Variants in KCNH7 observed in about 807,000 individuals in gnomAD.
KCNH7 encodes the protein potassium voltage-gated channel subfamily H member 7, also known as voltage-gated inwardly rectifying potassium channel KCNH7.
In KCNH7, 49 loss-of-function variants were observed where a neutral mutation model predicts 120.8. The observed-to-expected ratio is 0.41, with a 90% CI of 0.32 to 0.51. The LOEUF is 0.51. KCNH7 is among the 20% of genes least tolerant of loss of function. The probability of loss-of-function intolerance (pLI) is 0.38; values close to 1 mark genes in which losing one functional copy is unlikely to be tolerated. For missense variants in KCNH7, 1,097 were observed against 1,446.6 expected, an observed-to-expected ratio of 0.76 and a Z score of 3.92; for synonymous variants, 547 against 516.1, an observed-to-expected ratio of 1.06 and a Z score of -0.81.
At chr2:162,445,737 T>G (rs960574896) in intron 7 of KCNH7, among the ~76,000 whole-genome samples, 1 of 152,178 alleles carries the variant, frequency 6.6e-6, no homozygotes, top group Non-Finnish European at 1.5e-5. Flanking sequence ...GTAGAGATTT[T>G]AAATCCTGGG....
chr2:162,414,281 A>G lies in KCNH7; in HGVS notation c.2154+9055T>C, dbSNP rs186925906. On this transcript the variant is annotated intron_variant, in intron 9 of 15. Transcript: ENST00000332142. Reference sequence around the variant, plus strand: ...TATCTGAGAATCTACCCATAAATATAAAAGTATAAGTAAGGGAAAATATGT... The same window carrying G: ...TATCTGAGAATCTACCCATAAATATGAAAGTATAAGTAAGGGAAAATATGT... Among the ~76,000 whole-genome samples, 389 of 152,138 alleles carry G rather than the reference A, an allele frequency of 2.6e-3. 2 individuals are homozygous for G. Among genetic ancestry groups the G allele is most frequent in the African/African-American group, 8.6e-3 (356 of 41,548 alleles).
chr2:162,816,428 T>C (rs1373604237), intron 2 of KCNH7, among the ~76,000 whole-genome samples: 2 of 152,056 alleles, frequency 1.3e-5, no homozygotes, highest in Non-Finnish European at 2.9e-5. Context: ...TTTCCCATAA[T>C]AGAAAGTGGA....
chr2:162,379,532 G>T (rs1242965556), intron 14 of KCNH7, among the ~76,000 whole-genome samples: 5 of 152,164 alleles, frequency 3.3e-5, no homozygotes, highest in Non-Finnish European at 7.3e-5. Flanking sequence ...ATTAAAAGAG[G>T]AAGGGTGTCA....
intron 2 of KCNH7, among the ~76,000 whole-genome samples, chr2:162,799,947 CAT>C (rs1684282349): frequency 1.3e-5 from 1 of 78,578 alleles, no homozygotes; most frequent in Admixed American, 1.4e-4. Context: ...GTTTTACACA[CAT>C]ACACACACAC....
At chr2:162,568,766 T>A (rs1452171144) in intron 2 of KCNH7, among the ~76,000 whole-genome samples, 1 of 151,996 alleles carries the variant, frequency 6.6e-6, no homozygotes, top group Non-Finnish European at 1.5e-5. Flanking sequence ...TGCAAACTTT[T>A]TAAGCTTTAT....
chr2:162,581,119 C>CACGCA (rs1462133389), intron 2 of KCNH7, among the ~76,000 whole-genome samples: 3 of 152,006 alleles, frequency 2.0e-5, no homozygotes, highest in African/African-American at 7.2e-5. Context: ...TGGCAGGCTT[C>CACGCA]ACGCAACTGA....
chr2:162,490,120 A>C (rs1241186990), intron 6 of KCNH7, among the ~76,000 whole-genome samples: 1 of 152,242 alleles, frequency 6.6e-6, no homozygotes, highest in Admixed American at 6.5e-5. Flanking sequence ...GGGTCCCTGG[A>C]GAACCACCAA....
At chr2:162,653,157 G>A (rs766820064) in intron 2 of KCNH7, among the ~76,000 whole-genome samples, 1 of 152,144 alleles carries the variant, frequency 6.6e-6, no homozygotes, top group Non-Finnish European at 1.5e-5. Flanking sequence ...TATTCCTGTT[G>A]TTTATTGTGT....
At chr2:162,626,151 G>C (rs185095331) in intron 2 of KCNH7, among the ~76,000 whole-genome samples, 60 of 152,184 alleles carry the variant, frequency 3.9e-4, no homozygotes, top group Non-Finnish European at 6.6e-4. Context: ...ATGGTATGCA[G>C]TTTCAGTTGC....
intron 2 of KCNH7, among the ~76,000 whole-genome samples, chr2:162,759,251 T>C (rs754381964): frequency 6.6e-6 from 1 of 152,042 alleles, no homozygotes; most frequent in Non-Finnish European, 1.5e-5. Flanking sequence ...GAGGAGTAAA[T>C]TGGATTGTCC....
chr2:162,429,381 G>GTTTTTTTTTTTTTTTTTTTTTTTTTTT (rs1158431426), intron 8 of KCNH7, among the ~76,000 whole-genome samples: 2 of 43,426 alleles, frequency 4.6e-5, no homozygotes, highest in South Asian at 7.7e-4. Context: ...TGAGGAAAAA[G>GTTTTTTTTTTTTTTTTTTTTTTTTTTT]TCTTTTTTTT....
intron 2 of KCNH7, among the ~76,000 whole-genome samples, chr2:162,684,777 G>C (rs895596670): frequency 1.3e-5 from 2 of 152,114 alleles, no homozygotes; most frequent in African/African-American, 4.8e-5. Flanking sequence ...AACCATTGTG[G>C]AAGACAGTGG....
intron 2 of KCNH7, among the ~76,000 whole-genome samples, chr2:162,753,010 AAAGAAAAGAAAAG>A (rs1249067467): frequency 6.7e-5 from 10 of 149,024 alleles, no homozygotes; most frequent in Middle Eastern, 3.5e-3. Flanking sequence ...AAAGAAAAGA[AAAGAAAAGAAAAG>A]AAAAGAAACC....
At chr2:162,492,617 G>C (rs976225785) in intron 6 of KCNH7, among the ~76,000 whole-genome samples, 1 of 152,024 alleles carries the variant, frequency 6.6e-6, no homozygotes, top group Admixed American at 6.6e-5. Context: ...TTCCACCTCT[G>C]AAAATACATT....
At chr2:162,754,103 A>G (rs779514690) in intron 2 of KCNH7, among the ~76,000 whole-genome samples, 4 of 152,170 alleles carry the variant, frequency 2.6e-5, no homozygotes, top group Admixed American at 6.5e-5. Context: ...CTTCCACTAT[A>G]ATATCCTTAG....
chr2:162,694,809 T>A (rs1686232933), intron 2 of KCNH7, among the ~76,000 whole-genome samples: 1 of 151,886 alleles, frequency 6.6e-6, no homozygotes, highest in African/African-American at 2.4e-5. Context: ...AGTGGCGTGA[T>A]CTCGGGTCAC....
chr2:162,404,929 C>T (rs978168691), intron 9 of KCNH7, among the ~76,000 whole-genome samples: 3 of 151,920 alleles, frequency 2.0e-5, no homozygotes, highest in African/African-American at 4.8e-5. Context: ...ACAGGGATAA[C>T]CTGAATTTCC....
chr2:162,549,840 CTG>C lies in KCNH7; in HGVS notation c.308-12762_308-12761del, dbSNP rs879382814. The stretch of plus-strand genomic sequence containing the variant: ...GCATCAATGCTTATAAGAACAAGGA[CTG>C]AGCTAATATTTTGTCATCTTGTAAC... On this transcript the variant is annotated intron_variant, in intron 2 of 15. Coordinates refer to ENST00000332142, the MANE Select transcript of KCNH7 (RefSeq NM_033272.4). 3.1e-3 allele frequency among the ~76,000 whole-genome samples: 470 copies of C among 152,242 alleles called. 6 individuals are homozygous for C. Among genetic ancestry groups the C allele is most frequent in the Admixed American group, 0.026 (400 of 15,296 alleles).
chr2:162,542,216 G>C (rs1213208370), intron 2 of KCNH7, among the ~76,000 whole-genome samples: 1 of 149,974 alleles, frequency 6.7e-6, no homozygotes, highest in Non-Finnish European at 1.5e-5. Flanking sequence ...GTTAGTGGCT[G>C]TGATTCTTTT....
Sources: allele counts gnomAD v4.1 joint callset (sites outside exome capture counted in the v4.1 genomes callset), GRCh38; gene constraint gnomAD v4.1.1; transcripts MANE v1.5; gene names NCBI Gene and HGNC (gene_info 2026-07-23, HGNC 2026-07-21).